The following AAAS variants were observed in gnomAD, a reference collection of about 807,000 sequenced individuals.
The protein encoded by AAAS is aladin WD repeat nucleoporin, also known as aladin.
A neutral mutation model predicts 75.6 loss-of-function variants in AAAS; 60 were observed. The ratio of observed to expected loss-of-function variants is 0.79; its 90% confidence interval spans 0.64 to 0.98. AAAS has a LOEUF of 0.98. Ranked by LOEUF, AAAS falls within the 50% of genes least tolerant of loss-of-function variation. The pLI is 0.00. For missense variants in AAAS, 658 were observed against 686.9 expected, an observed-to-expected ratio of 0.96 and a Z score of 0.47; for synonymous variants, 271 against 265.0, an observed-to-expected ratio of 1.02 and a Z score of -0.22.
intron 2 of AAAS, among the ~76,000 whole-genome samples, chr12:53,316,764 C>CAAAAAAAAAAAAAAAAAAA (rs34520642): frequency 3.9e-5 from 3 of 77,198 alleles, no homozygotes; most frequent in Non-Finnish European, 6.8e-5. Context: ...CCATCTCAGA[C>CAAAAAAAAAAAAAAAAAAA]AAAAAAAAAA....
At chr12:53,314,702 G>A in intron 6 of AAAS, 49 bp downstream of exon 6, 1 of 1,571,960 alleles carries the variant, frequency 6.4e-7, no homozygotes, top group Non-Finnish European at 8.7e-7. Flanking sequence ...GGCTGGCAAG[G>A]GAAGGTGATA....
chr12:53,315,490 G>A (rs969863981), intron 3 of AAAS, 64 bp from the exon 4 acceptor site: 7 of 1,474,474 alleles, frequency 4.7e-6, no homozygotes, highest in African/African-American at 4.2e-5. Flanking sequence ...GTACCTTCTA[G>A]GTGAAAGACA....
intron 2 of AAAS, among the ~76,000 whole-genome samples, chr12:53,319,818 A>AG (rs1944524458): frequency 7.4e-6 from 1 of 134,272 alleles, no homozygotes; most frequent in Non-Finnish European, 1.6e-5. Context: ...AAAAAAAAAA[A>AG]AAAAAAAGAA....
chr12:53,309,733 C>T lies in AAAS; in HGVS notation c.690-12G>A. ...AGCCAGAAGAGGGTCTGGAGGGGAA[C>T]ACAGAGGATGTGGAGTCAGAAGATG... On this transcript the variant is annotated splice_polypyrimidine_tract_variant and intron_variant, in intron 7 of 15. Coordinates refer to ENST00000209873, the MANE Select transcript of AAAS (RefSeq NM_015665.6). 6.2e-7 allele frequency: 1 copy of T among 1,612,310 alleles called. No homozygotes were observed. Among genetic ancestry groups the T allele is most frequent in the Non-Finnish European group, 8.5e-7 (1 of 1,179,436 alleles).
rs12830081 is a variant in AAAS at position 53,317,568 on chromosome 12, A to C, written c.252-1786T>G. On this transcript the variant is annotated intron_variant, in intron 2 of 15. Transcript: ENST00000209873. The stretch of plus-strand genomic sequence containing the variant: ...CGAGACTCCGTCTCAAAAAAAAAAA[A>C]CCAAAAAAATAAAACAAAACAAAAA... 6.1e-5 allele frequency among the ~76,000 whole-genome samples: 8 copies of C among 130,116 alleles called. No individual in the cohort carries two copies. In the Middle Eastern group the frequency reaches 0.016, roughly 267 times the overall value. 85.4% of individuals were successfully genotyped at this position (130,116 alleles called of 152,430 possible).
chr12:53,311,700 A>G (rs1264459025), intron 7 of AAAS, among the ~76,000 whole-genome samples: 1 of 152,130 alleles, frequency 6.6e-6, no homozygotes, highest in African/African-American at 2.4e-5. Context: ...GGATCACCTG[A>G]GGTCAAGAGT....
At chr12:53,318,154 G>A (rs1348299895) in intron 2 of AAAS, among the ~76,000 whole-genome samples, 1 of 151,816 alleles carries the variant, frequency 6.6e-6, no homozygotes, top group Non-Finnish European at 1.5e-5. Context: ...GCCTCCCGAG[G>A]AGCTGAGACT....
intron 2 of AAAS, among the ~76,000 whole-genome samples, chr12:53,319,318 T>A (rs1944515576): frequency 6.6e-6 from 1 of 151,948 alleles, no homozygotes; most frequent in African/African-American, 2.4e-5. Flanking sequence ...GCCTCCCAAG[T>A]AGCTGGGAAT....
chr12:53,315,566 C>A (rs1944449553), intron 3 of AAAS, 140 bp from the exon 4 acceptor site: 2 of 1,187,378 alleles, frequency 1.7e-6, no homozygotes, highest in South Asian at 2.6e-5. Flanking sequence ...ACTCTGGACA[C>A]CCACTCTGGA....
chr12:53,309,409 A>G (rs1364174874), intron 8 of AAAS, 128 bp from the exon 9 acceptor site: 6 of 1,516,304 alleles, frequency 4.0e-6, no homozygotes, highest in Middle Eastern at 2.4e-4. Flanking sequence ...AACATGAGGC[A>G]CGGGTTCATG....
intron 7 of AAAS, among the ~76,000 whole-genome samples, chr12:53,312,753 A>G (rs1944407352): frequency 6.7e-6 from 1 of 150,248 alleles, no homozygotes; most frequent in Non-Finnish European, 1.5e-5. Context: ...TTCTTTATTC[A>G]TATATATACG....
At chr12:53,314,661 G>C in intron 6 of AAAS, 90 bp downstream of exon 6, 1 of 1,429,310 alleles carries the variant, frequency 7.0e-7, no homozygotes, top group Non-Finnish European at 9.7e-7. Flanking sequence ...CATGAATCAG[G>C]TTCAAGAACT....
intron 2 of AAAS, among the ~76,000 whole-genome samples, chr12:53,318,249 T>TGTGTGTGTGTGTGC (rs1555191465): frequency 1.8e-4 from 26 of 140,854 alleles, no homozygotes; most frequent in South Asian, 2.3e-4. Context: ...TGTGTGCGTG[T>TGTGTGTGTGTGTGC]GTGTGTGTGT....
chr12:53,318,771 A>G (rs993421695), intron 2 of AAAS, among the ~76,000 whole-genome samples: 1 of 152,162 alleles, frequency 6.6e-6, no homozygotes, highest in Non-Finnish European at 1.5e-5. Flanking sequence ...TTCAAGCAGG[A>G]TAATTTGGCA....
At chr12:53,314,947 T>C in intron 5 of AAAS, 98 bp from the exon 6 acceptor site, 1 of 1,487,792 alleles carries the variant, frequency 6.7e-7, no homozygotes, top group Non-Finnish European at 9.3e-7. Flanking sequence ...TTTTCCTACT[T>C]TTTCTTGTAT....
chr12:53,317,899 C>G (rs530429854), intron 2 of AAAS, among the ~76,000 whole-genome samples: 28 of 152,304 alleles, frequency 1.8e-4, no homozygotes, highest in Admixed American at 1.8e-3. Flanking sequence ...AAGAGCAATA[C>G]AACAGAAACA....
chr12:53,307,859 C>G lies in AAAS; in HGVS notation c.1402G>C (p.Ala468Pro), dbSNP rs971086098. 2.5e-6 allele frequency: 4 copies of G among 1,614,114 alleles called. No homozygotes were observed. The highest frequency in any genetic ancestry group is 1.3e-5 in the African/African-American group (1 of 74,942). The change falls in exon 15 of 16, where the codon GCC becomes CCC. Residue 468 changes from alanine (A) to proline (P), a missense_variant. By Grantham distance (27) the Ala-to-Pro change is conservative (BLOSUM62 -1). Transcript: ENST00000209873. ...GGCGCACTCACCACACTGAGCAGGG[C>G]CCCTTTGTTGAAGGAAGGATGGAAA... ...ITFHPSFNKGALLSVGWSTGR... is the reference protein window; with the variant it reads ...ITFHPSFNKGPLLSVGWSTGR...
chr12:53,311,442 AG>A (rs1267903136), intron 7 of AAAS, among the ~76,000 whole-genome samples: 2 of 152,082 alleles, frequency 1.3e-5, no homozygotes, highest in African/African-American at 4.8e-5. Context: ...TTGTATTTTT[AG>A]TAGAAACAAA....
chr12:53,308,800 G>A lies in AAAS; in HGVS notation c.1012C>T (p.Pro338Ser). 1 of 1,614,050 alleles carries A rather than the reference G, an allele frequency of 6.2e-7. No homozygotes were observed. The highest frequency in any genetic ancestry group is 8.5e-7 in the Non-Finnish European group (1 of 1,180,034). The change falls in exon 11 of 16, where the codon CCA becomes TCA. Residue 338 changes from proline to serine, a missense_variant. By Grantham distance (74) the Pro-to-Ser change is moderately conservative (BLOSUM62 -1). Transcript: ENST00000209873. ...SGRCQTGCWS[P>S]DGSRLLFTVL... ...GTGAACAGCAGTCGGCTGCCATCTG[G>A]GCTCCAGCAGCCAGTCTGGGGTCAG...
Sources: allele counts gnomAD v4.1 joint callset (sites outside exome capture counted in the v4.1 genomes callset), GRCh38; gene constraint gnomAD v4.1.1; transcripts MANE v1.5; gene names NCBI Gene and HGNC (gene_info 2026-07-23, HGNC 2026-07-21).